The following PRKCH variants were observed in gnomAD, a reference collection of about 807,000 sequenced individuals.
PRKCH encodes the protein protein kinase C eta type.
A neutral mutation model predicts 82.5 loss-of-function variants in PRKCH; 28 were observed. That is an observed-to-expected ratio of 0.34 (90% CI 0.25 to 0.47). The LOEUF is 0.47. Ranked by LOEUF, PRKCH falls within the 20% of genes least tolerant of loss-of-function variation. The pLI is 1.00. For missense variants in PRKCH, 705 were observed against 881.8 expected, an observed-to-expected ratio of 0.80 and a Z score of 2.54; for synonymous variants, 322 against 327.4, an observed-to-expected ratio of 0.98 and a Z score of 0.18.
rs989016338 is a variant in PRKCH at position 61,368,272 on chromosome 14, C to T, written c.364-22953C>T. Among the ~76,000 whole-genome samples, 5 of 152,024 alleles carry T rather than the reference C, an allele frequency of 3.3e-5. No individual in the cohort carries two copies. The South Asian group carries it at 1.0e-3, about 32-fold the overall frequency. On this transcript the variant is annotated intron_variant, in intron 1 of 13. Transcript: ENST00000332981. ...TCTGACACTCACAGTCTACCCTTCA[C>T]CTCTTCTCTGGCTATTACCAGTACT...
chr14:61,407,968 C>G (rs981797962), intron 2 of PRKCH, among the ~76,000 whole-genome samples: 16 of 152,198 alleles, frequency 1.1e-4, no homozygotes, highest in Non-Finnish European at 1.8e-4. Flanking sequence ...CCCCTGTTGT[C>G]TGAATTTCCT....
intron 10 of PRKCH, among the ~76,000 whole-genome samples, chr14:61,510,336 A>G (rs1887321410): frequency 6.6e-6 from 1 of 152,168 alleles, no homozygotes; most frequent in African/African-American, 2.4e-5. Flanking sequence ...CCTGGAAGCC[A>G]GGAGTTCAAG....
rs555723950 is a variant in PRKCH, at chr14:61,292,266, C to CT, written c.-19+104600dup. Among the ~76,000 whole-genome samples, 1,080 of 150,786 alleles carry CT rather than the reference C, an allele frequency of 7.2e-3. 7 individuals are homozygous for CT. The highest frequency in any genetic ancestry group is 0.041 in the Middle Eastern group (12 of 294). ...TTAGGAGGCTGAGATGAGAGGATCA[C>CT]TTGAGCCCAGGAGTTCAAGACCAGC... On this transcript the variant is annotated intron_variant, in intron 1 of 3. Transcript: ENST00000555185.
intron 5 of PRKCH, 152 bp from the exon 6 acceptor site, chr14:61,450,690 T>C: frequency 1.2e-6 from 1 of 821,422 alleles, no homozygotes; most frequent in Non-Finnish European, 1.8e-6. Context: ...TCGTAAGACC[T>C]GAGTAATTAA....
At chr14:61,433,916 A>C (rs978876994) in intron 2 of PRKCH, among the ~76,000 whole-genome samples, 5 of 152,250 alleles carry the variant, frequency 3.3e-5, no homozygotes, top group African/African-American at 1.2e-4. Context: ...GAAACTCTTC[A>C]TGATAGTTTT....
At chr14:61,232,417 C>T (rs1241137800) in intron 1 of PRKCH, among the ~76,000 whole-genome samples, 1 of 152,164 alleles carries the variant, frequency 6.6e-6, no homozygotes, top group Non-Finnish European at 1.5e-5. Context: ...GACAGGGTTT[C>T]ACCACATTGT....
chr14:61,238,253 C>T (rs974198330), intron 1 of PRKCH, among the ~76,000 whole-genome samples: 4 of 152,130 alleles, frequency 2.6e-5, no homozygotes, highest in African/African-American at 9.7e-5. Flanking sequence ...TGTCAAGGAG[C>T]CCTGGAAATT....
chr14:61,411,922 A>G (rs575366469), intron 2 of PRKCH, among the ~76,000 whole-genome samples: 1 of 152,324 alleles, frequency 6.6e-6, no homozygotes, highest in Admixed American at 6.5e-5. Context: ...CAGACTGGAA[A>G]ACTTCAAGAG....
chr14:61,360,551 G>A (rs6573385), intron 1 of PRKCH, among the ~76,000 whole-genome samples: 10,512 of 152,126 alleles, frequency 0.069, 419 homozygotes, highest in South Asian at 0.09. Flanking sequence ...AGGCTAAAAC[G>A]TATCCTGGAA....
At chr14:61,525,733 A>G (rs2042957265) in intron 10 of PRKCH, 1 of 152,220 alleles carries the variant, frequency 6.6e-6, no homozygotes, top group Admixed American at 6.5e-5. Context: ...GTTGCCCAAG[A>G]AGATCCTTTC....
At chr14:61,486,342 C>A (rs1270053430) in intron 10 of PRKCH, among the ~76,000 whole-genome samples, 2 of 152,192 alleles carry the variant, frequency 1.3e-5, no homozygotes, top group Non-Finnish European at 2.9e-5. Flanking sequence ...GCTAGGTGAG[C>A]CACTTGTGAG....
chr14:61,509,912 C>T (rs1032706015), intron 10 of PRKCH, among the ~76,000 whole-genome samples: 3 of 151,878 alleles, frequency 2.0e-5, no homozygotes, highest in Admixed American at 1.3e-4. Context: ...GAGGCTCCAT[C>T]TCAAAAAAAC....
At chr14:61,210,377 C>G (rs1461950872) in intron 1 of PRKCH, among the ~76,000 whole-genome samples, 2 of 151,860 alleles carry the variant, frequency 1.3e-5, no homozygotes, top group Admixed American at 6.6e-5. Context: ...GAGTAAAGCA[C>G]ATGTTGCATT....
At chr14:61,260,408 C>T (rs1340751001) in intron 1 of PRKCH, among the ~76,000 whole-genome samples, 2 of 152,206 alleles carry the variant, frequency 1.3e-5, no homozygotes, top group Non-Finnish European at 2.9e-5. Context: ...CATGGAATCT[C>T]AGTATCAATT....
At chr14:61,540,930 A>G (rs2043175663) in intron 12 of PRKCH, among the ~76,000 whole-genome samples, 1 of 152,262 alleles carries the variant, frequency 6.6e-6, no homozygotes, top group Non-Finnish European at 1.5e-5. Context: ...TTGTTTCCCC[A>G]GAGAGATTCA....
chr14:61,296,573 C>G (rs565407186), intron 1 of PRKCH, among the ~76,000 whole-genome samples: 1 of 152,096 alleles, frequency 6.6e-6, no homozygotes, highest in Non-Finnish European at 1.5e-5. Context: ...TTCAGTAGCC[C>G]CATAATCTCC....
chr14:61,465,348 C>T lies in PRKCH; in HGVS notation c.1278+7669C>T, dbSNP rs57204506. On this transcript the variant is annotated intron_variant, in intron 9 of 13. Transcript: ENST00000332981. ...CCTAAGTCATCATTTGGTAATTTTA[C>T]AGTTTTAGGTCTTACATTTAAGTCT... is the stretch of plus-strand genomic sequence containing the variant. Among the ~76,000 whole-genome samples the T allele has an allele frequency of 0.019, 2,860 of 152,238 alleles. 194 individuals are homozygous for T. The East Asian group carries it at 0.26, about 14-fold the overall frequency.
At chr14:61,545,820 T>A (rs1030681875) in intron 12 of PRKCH, among the ~76,000 whole-genome samples, 9 of 152,240 alleles carry the variant, frequency 5.9e-5, no homozygotes, top group African/African-American at 1.9e-4. Flanking sequence ...GAAGCTTGGG[T>A]TCAGTGCCAG....
At chr14:61,203,133 A>G (rs941014510) in intron 1 of PRKCH, among the ~76,000 whole-genome samples, 1 of 152,026 alleles carries the variant, frequency 6.6e-6, no homozygotes, top group Non-Finnish European at 1.5e-5. Flanking sequence ...CTGTTCCTTC[A>G]GTTACTGACT....
Sources: gnomAD v4.1 joint callset for allele counts (sites outside exome capture counted in the v4.1 genomes callset) on GRCh38, gnomAD v4.1.1 for gene constraint, MANE v1.5 for transcripts, NCBI Gene and HGNC (gene_info 2026-07-23, HGNC 2026-07-21) for gene names.